COL24A1: variants seen among roughly 807,000 people sequenced by gnomAD.
COL24A1 encodes collagen type XXIV alpha 1 chain, also known as collagen alpha-1(XXIV) chain.
In COL24A1, 224 loss-of-function variants were observed where a neutral mutation model predicts 253.9. The ratio of observed to expected loss-of-function variants is 0.88; its 90% CI spans 0.79 to 0.99. The LOEUF (loss-of-function observed/expected upper bound fraction) is 0.99, where lower values mean the gene tolerates loss of function less well. Ranked by LOEUF, COL24A1 falls within the 50% of genes least tolerant of loss-of-function variation. The pLI, the probability that COL24A1 is intolerant of heterozygous loss-of-function variation, is 0.00. For synonymous variants in COL24A1, 685 were observed against 673.7 expected (o/e 1.02, Z -0.26); for missense variants, 2,131 against 2,068.5 (o/e 1.03, Z -0.59).
intron 5 of COL24A1, among the ~76,000 whole-genome samples, chr1:86,094,148 C>G (rs1703723155): frequency 6.6e-6 from 1 of 151,944 alleles, no homozygotes; most frequent in South Asian, 2.1e-4. Context: ...GGTATATACC[C>G]AAAGGAATAG....
At chr1:86,119,956 G>A (rs2102223593) in intron 3 of COL24A1, among the ~76,000 whole-genome samples, 1 of 152,192 alleles carries the variant, frequency 6.6e-6, no homozygotes, top group South Asian at 2.1e-4. Context: ...ATAGACCAAT[G>A]GAACAGAACA....
chr1:85,756,114 G>C (rs1666231714), intron 55 of COL24A1, among the ~76,000 whole-genome samples: 1 of 141,328 alleles, frequency 7.1e-6, no homozygotes, highest in Non-Finnish European at 1.5e-5. Context: ...CAAATAACTT[G>C]AATAGACATT....
In COL24A1 at chr1:86,125,740, G is replaced by A. The variant is rs1427705964; in HGVS notation, c.596C>T (p.Ser199Phe). 1 of 1,610,882 alleles carries A rather than the reference G, an allele frequency of 6.2e-7. No individual in the cohort carries two copies. The highest frequency in any genetic ancestry group is 8.5e-7 in the Non-Finnish European group (1 of 1,178,730). Residue 199 changes from serine to phenylalanine, a missense_variant, in exon 3 of 60, where the codon TCT becomes TTT. Coordinates refer to ENST00000370571, the MANE Select transcript of COL24A1 (RefSeq NM_152890.7). ...ACTTCCTAAAGTAAACACACTATTA[G>A]AATCAAAGGTCTGAACTTCTGGAAT... ...ETIPEVQTFD[S>F]NSVFTLGSMN...
At chr1:85,737,123 T>C (rs1410242302) in intron 58 of COL24A1, among the ~76,000 whole-genome samples, 1 of 152,156 alleles carries the variant, frequency 6.6e-6, no homozygotes, top group East Asian at 1.9e-4. Flanking sequence ...AAACATAGCA[T>C]ATGTTGCACA....
At chr1:85,771,261 C>A (rs1387603131) in intron 53 of COL24A1, among the ~76,000 whole-genome samples, 1 of 152,050 alleles carries the variant, frequency 6.6e-6, no homozygotes, top group Non-Finnish European at 1.5e-5. Flanking sequence ...TAGCCTCCGA[C>A]CCCCGACAGG....
intron 47 of COL24A1, among the ~76,000 whole-genome samples, chr1:85,807,189 G>T (rs571125178): frequency 1.1e-4 from 16 of 152,324 alleles, no homozygotes; most frequent in African/African-American, 3.4e-4. Flanking sequence ...GTGGCCTACA[G>T]TCAATGAGGT....
At chr1:85,954,933 A>G (rs78538719) in intron 24 of COL24A1, among the ~76,000 whole-genome samples, 342 of 152,324 alleles carry the variant, frequency 2.2e-3, no homozygotes, top group African/African-American at 8.0e-3. Context: ...CCTCAAGGAA[A>G]TATGACTTCT....
intron 12 of COL24A1, among the ~76,000 whole-genome samples, chr1:86,044,352 G>GT (rs992254927): frequency 2.0e-5 from 3 of 152,022 alleles, no homozygotes; most frequent in Non-Finnish European, 4.4e-5. Context: ...GGCTATAACT[G>GT]TATTTTATTC....
intron 5 of COL24A1, among the ~76,000 whole-genome samples, chr1:86,100,829 T>C (rs978181934): frequency 2.6e-5 from 4 of 152,120 alleles, no homozygotes; most frequent in Non-Finnish European, 5.9e-5. Context: ...GGTGGTATGG[T>C]GGGATAGAGC....
At chr1:85,754,137 C>A (rs1665918741) in intron 55 of COL24A1, among the ~76,000 whole-genome samples, 1 of 1,546 alleles carries the variant, frequency 6.5e-4, no homozygotes, top group Non-Finnish European at 1.4e-3. Flanking sequence ...GGAACCAACC[C>A]AAATGTCCAA....
chr1:85,828,614 G>A (rs1217749625), intron 43 of COL24A1, among the ~76,000 whole-genome samples: 1 of 148,880 alleles, frequency 6.7e-6, no homozygotes, highest in African/African-American at 2.5e-5. Context: ...CTCCTGTATT[G>A]GGTGCATATA....
intron 53 of COL24A1, among the ~76,000 whole-genome samples, chr1:85,769,069 A>G (rs1667685949): frequency 6.6e-6 from 1 of 152,188 alleles, no homozygotes; most frequent in African/African-American, 2.4e-5. Context: ...TATTGTATCT[A>G]TCCTCTCTTA....
chr1:85,912,494 C>T (rs1478285596), intron 24 of COL24A1, among the ~76,000 whole-genome samples: 5 of 152,046 alleles, frequency 3.3e-5, no homozygotes, highest in East Asian at 1.9e-4. Flanking sequence ...GATTCTCATA[C>T]GATAGTATAC....
chr1:85,942,009 C>T (rs1314211151), intron 24 of COL24A1, among the ~76,000 whole-genome samples: 1 of 151,952 alleles, frequency 6.6e-6, no homozygotes, highest in Non-Finnish European at 1.5e-5. Flanking sequence ...ACAGAAGTTC[C>T]CACAGTGTAC....
chr1:85,901,580 C>T (rs573123803), intron 28 of COL24A1, among the ~76,000 whole-genome samples: 20 of 151,868 alleles, frequency 1.3e-4, no homozygotes, highest in South Asian at 6.2e-4. Context: ...GAGGCCAAGG[C>T]GGGTGGGATC....
chr1:86,002,685 T>C (rs1350133563), intron 19 of COL24A1, among the ~76,000 whole-genome samples: 1 of 152,144 alleles, frequency 6.6e-6, no homozygotes, highest in African/African-American at 2.4e-5. Flanking sequence ...AATAGAGAAT[T>C]TGGCAAGACA....
intron 43 of COL24A1, among the ~76,000 whole-genome samples, chr1:85,834,170 T>C (rs1001798085): frequency 2.0e-5 from 3 of 151,640 alleles, no homozygotes; most frequent in Non-Finnish European, 4.4e-5. Flanking sequence ...GAGCCTGAAC[T>C]AAAGTAGGAC....
Position 86,046,870 on chromosome 1 carries a change from C to T in COL24A1, c.1906-1G>A. The T allele has an allele frequency of 1.4e-6, 2 of 1,477,488 alleles. No individual in the cohort carries two copies. Among genetic ancestry groups the T allele is most frequent in the Non-Finnish European group, 1.9e-6 (2 of 1,056,430 alleles). The allele number at this position is 1,477,488 out of a possible 1,614,324, so 91.5% of individuals were successfully genotyped here. A position where few individuals can be genotyped will look rare whatever the true frequency, so the allele number is the denominator to read the frequency against. The stretch of plus-strand genomic sequence containing the variant: ...TCTTTCCACGGATCCCAGGAATGCC[C>T]TAGAATATAGAAAAGAAAAAGGAAA... On this transcript the variant is annotated splice_acceptor_variant, in intron 11 of 59. Transcript: ENST00000370571. LOFTEE classifies it high-confidence loss of function.
intron 24 of COL24A1, among the ~76,000 whole-genome samples, chr1:85,915,027 A>G (rs889485154): frequency 6.6e-6 from 1 of 152,214 alleles, no homozygotes. Context: ...GAGTGCTCAG[A>G]TATTTGGCTA....
Sources: gnomAD v4.1 joint callset for allele counts (sites outside exome capture counted in the v4.1 genomes callset) on GRCh38, gnomAD v4.1.1 for gene constraint, MANE v1.5 for transcripts, NCBI Gene and HGNC (gene_info 2026-07-23, HGNC 2026-07-21) for gene names.